The following MSH3 variants were observed in gnomAD, a reference collection of about 807,000 sequenced individuals.
MSH3 encodes the protein DNA mismatch repair protein Msh3.
A neutral mutation model predicts 123.3 loss-of-function variants in MSH3; 106 were observed. The observed-to-expected ratio is 0.86, with a 90% CI of 0.73 to 1.01. MSH3 has a LOEUF of 1.01. MSH3 is among the 50% of genes least tolerant of loss of function. The pLI, the probability that MSH3 is intolerant of heterozygous loss-of-function variation, is 0.00. For missense variants in MSH3, 1,459 were observed against 1,347.6 expected (o/e 1.08, Z -1.29); for synonymous variants, 515 against 481.4 (o/e 1.07, Z -0.91).
chr5:80,785,331 AT>A (rs1481412647), intron 17 of MSH3, among the ~76,000 whole-genome samples: 1 of 152,162 alleles, frequency 6.6e-6, no homozygotes, highest in Non-Finnish European at 1.5e-5. Context: ...CGCGTTACCC[AT>A]TGCGCTACTG....
At chr5:80,688,240 A>C (rs1332003446) in intron 8 of MSH3, among the ~76,000 whole-genome samples, 5 of 152,238 alleles carry the variant, frequency 3.3e-5, no homozygotes, top group Non-Finnish European at 7.3e-5. Flanking sequence ...GTGCTTCCTC[A>C]AAGATAGATG....
intron 2 of MSH3, among the ~76,000 whole-genome samples, chr5:80,658,279 A>G (rs1677676): frequency 0.26 from 38,814 of 151,748 alleles, 5,084 homozygotes; most frequent in Middle Eastern, 0.33. Flanking sequence ...GGCTGGTCTC[A>G]AACTCCTGGC....
chr5:80,858,508 G>A (rs1419117383), intron 21 of MSH3, among the ~76,000 whole-genome samples: 1 of 151,964 alleles, frequency 6.6e-6, no homozygotes, highest in African/African-American at 2.4e-5. Context: ...CCATGTATTT[G>A]GGGATTTTCC....
Position 80,672,845 on chromosome 5 carries a change from A to C in MSH3, c.1014A>C (p.Thr338=), listed in dbSNP as rs1580552338. The C allele has an allele frequency of 6.2e-7, 1 of 1,609,964 alleles. No individual in the cohort carries two copies. The highest frequency in any genetic ancestry group is 1.7e-5 in the Admixed American group (1 of 60,022). ...TGACTGCCCTTTATACAAAATCTAC[A>C]CTTATTGGAGAAGATATCCTTTTTG... ...RKLTALYTKS[T]LIGEDVNPLI... is the part of the protein sequence containing the mutation. The change falls in exon 6 of 24, where the codon ACA becomes ACC. Residue 338 remains threonine (T), a synonymous_variant. Transcript: ENST00000265081.
At chr5:80,767,049 A>G (rs1744135501) in intron 13 of MSH3, among the ~76,000 whole-genome samples, 1 of 152,192 alleles carries the variant, frequency 6.6e-6, no homozygotes, top group African/African-American at 2.4e-5. Flanking sequence ...ATGGAGTTCT[A>G]TACTGATGCA....
At chr5:80,790,854 A>T (rs1053553114) in intron 18 of MSH3, among the ~76,000 whole-genome samples, 2 of 152,232 alleles carry the variant, frequency 1.3e-5, no homozygotes, top group Non-Finnish European at 2.9e-5. Flanking sequence ...AGAGAAAAAA[A>T]CCAGTGCCCT....
chr5:80,783,292 G>GT (rs939125358), intron 17 of MSH3, among the ~76,000 whole-genome samples: 6 of 152,038 alleles, frequency 3.9e-5, no homozygotes, highest in African/African-American at 1.4e-4. Context: ...AAAATTGCTT[G>GT]TTGTTATGCT....
chr5:80,757,636 A>G (rs754424680), intron 12 of MSH3, among the ~76,000 whole-genome samples: 1 of 152,120 alleles, frequency 6.6e-6, no homozygotes, highest in Non-Finnish European at 1.5e-5. Flanking sequence ...TCTTTCAGTT[A>G]ATTTAAGTTG....
intron 20 of MSH3, among the ~76,000 whole-genome samples, chr5:80,848,838 G>T (rs934955855): frequency 1.3e-5 from 2 of 152,116 alleles, no homozygotes; most frequent in Non-Finnish European, 2.9e-5. Flanking sequence ...CCCAAATCTC[G>T]TATCTTCACA....
At chr5:80,720,965 G>A (rs1751067800) in intron 8 of MSH3, among the ~76,000 whole-genome samples, 1 of 152,166 alleles carries the variant, frequency 6.6e-6, no homozygotes, top group South Asian at 2.1e-4. Flanking sequence ...CACTATCACA[G>A]TCGAGATGTG....
At chr5:80,729,430 ATGTGTGTGTGTG>A (rs71594671) in intron 10 of MSH3, among the ~76,000 whole-genome samples, 5 of 78,374 alleles carry the variant, frequency 6.4e-5, no homozygotes, top group South Asian at 4.0e-4. Flanking sequence ...AAAAAAAAAA[ATGTGTGTGTGTG>A]TGTGTGTGTG....
chr5:80,859,673 T>C, intron 21 of MSH3, among the ~76,000 whole-genome samples: 1 of 151,962 alleles, frequency 6.6e-6, no homozygotes, highest in East Asian at 1.9e-4. Flanking sequence ...CTGTCTTATG[T>C]GGTTTTAACT....
chr5:80,783,803 G>T (rs1372597856), intron 17 of MSH3, among the ~76,000 whole-genome samples: 1 of 152,138 alleles, frequency 6.6e-6, no homozygotes, highest in East Asian at 1.9e-4. Flanking sequence ...TACCAAATAT[G>T]GCTGCTTTCT....
At chr5:80,875,666 T>TA in intron 23 of MSH3, 85 bp from the exon 24 acceptor site, 3 of 797,956 alleles carry the variant, frequency 3.8e-6, no homozygotes, top group Non-Finnish European at 4.4e-6. Flanking sequence ...ATTCAAGTGT[T>TA]ATAGACTTTT....
intron 2 of MSH3, 50 bp downstream of exon 2, chr5:80,656,581 T>G (rs748862710): frequency 1.9e-6 from 3 of 1,612,084 alleles, no homozygotes; most frequent in Non-Finnish European, 2.5e-6. Flanking sequence ...TCTGGTATTC[T>G]GGAATTCTCC....
intron 20 of MSH3, among the ~76,000 whole-genome samples, chr5:80,837,890 G>C (rs747420853): frequency 6.6e-6 from 1 of 152,138 alleles, no homozygotes; most frequent in Non-Finnish European, 1.5e-5. Context: ...GAATTACCCA[G>C]GTTGCTGGCA....
chr5:80,695,648 T>A (rs959061304), intron 8 of MSH3, among the ~76,000 whole-genome samples: 11 of 152,170 alleles, frequency 7.2e-5, no homozygotes, highest in Non-Finnish European at 1.5e-4. Context: ...TTTTTGTTTA[T>A]GCCTTCTATT....
chr5:80,738,266 A>G (rs1319993144), intron 10 of MSH3, among the ~76,000 whole-genome samples: 2 of 152,166 alleles, frequency 1.3e-5, no homozygotes, highest in African/African-American at 4.8e-5. Context: ...GGTTAATTCA[A>G]ACTGAATTCT....
In MSH3 at chr5:80,733,039, G is replaced by T. The variant is rs139213755; in HGVS notation, c.1568+4074G>T. Among the ~76,000 whole-genome samples, 88 of 152,160 alleles carry T rather than the reference G, an allele frequency of 5.8e-4. 1 individual carries two copies. The highest frequency in any genetic ancestry group is 2.1e-3 in the African/African-American group (87 of 41,526). On this transcript the variant is annotated intron_variant, in intron 10 of 23. Transcript: ENST00000265081. ...GACAAGCTGATCCTAAAATTCATAG[G>T]ATTCATATCTCTGTTTCAAAACTTA...
Sources: allele counts gnomAD v4.1 joint callset (sites outside exome capture counted in the v4.1 genomes callset), GRCh38; gene constraint gnomAD v4.1.1; transcripts MANE v1.5; gene names NCBI Gene and HGNC (gene_info 2026-07-23, HGNC 2026-07-21).